The following CHST9 variants were observed in gnomAD, a reference collection of about 807,000 sequenced individuals.
The protein encoded by CHST9 is carbohydrate sulfotransferase 9, also known as GalNAc-4-sulfotransferase 2.
CHST9 carries 41 observed loss-of-function variants against 44.4 expected under a neutral mutation model. The ratio of observed to expected loss-of-function variants is 0.92; its 90% CI spans 0.72 to 1.20. The LOEUF (loss-of-function observed/expected upper bound fraction) is 1.20, where lower values mean the gene tolerates loss of function less well. Ranked by LOEUF, CHST9 falls within the 50% of genes most tolerant of loss-of-function variation. The pLI, the probability that CHST9 is intolerant of heterozygous loss-of-function variation, is 0.00. For missense variants in CHST9, 504 were observed against 516.5 expected, an observed-to-expected ratio of 0.98 and a Z score of 0.23; for synonymous variants, 171 against 178.4, an observed-to-expected ratio of 0.96 and a Z score of 0.33.
chr18:27,061,223 C>A (rs766817254), intron 2 of CHST9, among the ~76,000 whole-genome samples: 2 of 152,180 alleles, frequency 1.3e-5, no homozygotes, highest in African/African-American at 4.8e-5. Context: ...TAATGCACCA[C>A]GGGACCACCC....
At chr18:27,148,269 T>C (rs752067605) in intron 1 of CHST9, among the ~76,000 whole-genome samples, 47 of 151,760 alleles carry the variant, frequency 3.1e-4, no homozygotes, top group Non-Finnish European at 4.6e-4. Context: ...ATTTTATTAT[T>C]ATTATACTTT....
chr18:27,146,563 G>A (rs1293249903), intron 1 of CHST9, among the ~76,000 whole-genome samples: 1 of 152,120 alleles, frequency 6.6e-6, no homozygotes, highest in African/African-American at 2.4e-5. Context: ...AAATTACTTG[G>A]AATAATGCTG....
In CHST9 at chr18:26,916,913, A is replaced by G. The variant is rs572655578; in HGVS notation, c.678T>C (p.Asn226=). 168 of 1,613,878 alleles carry G rather than the reference A, an allele frequency of 1.0e-4. 2 individuals carry two copies. Among genetic ancestry groups the G allele is most frequent in the South Asian group, 6.6e-4 (60 of 91,078 alleles). ...TTAGTACCATCAGAATTCTTTTCCA[A>G]TTGGAACAGCCAGCCTTAGGTACCT... ...YCEVPKAGCS[N]WKRILMVLNG... is the part of the protein sequence containing the mutation. The change falls in exon 6 of 6, where the codon AAT becomes AAC. Residue 226 remains asparagine (N), a synonymous_variant. Coordinates refer to ENST00000618847, the MANE Select transcript of CHST9 (RefSeq NM_031422.6).
chr18:26,955,460 T>C (rs769745635), intron 4 of CHST9, among the ~76,000 whole-genome samples: 4 of 152,196 alleles, frequency 2.6e-5, no homozygotes, highest in Non-Finnish European at 4.4e-5. Flanking sequence ...AATAGTTTTT[T>C]TGGGGCACAG....
intron 4 of CHST9, among the ~76,000 whole-genome samples, chr18:26,973,924 A>G (rs538909016): frequency 6.6e-6 from 1 of 152,294 alleles, no homozygotes; most frequent in South Asian, 2.1e-4. Flanking sequence ...CTCTAATTAG[A>G]TCCTCATTAA....
At chr18:26,988,092 T>C (rs1294865922) in intron 4 of CHST9, among the ~76,000 whole-genome samples, 1 of 151,644 alleles carries the variant, frequency 6.6e-6, no homozygotes, top group Non-Finnish European at 1.5e-5. Context: ...AGAAATAAAA[T>C]TGAATAATTA....
chr18:27,036,136 T>A (rs986646805), intron 3 of CHST9, among the ~76,000 whole-genome samples: 4 of 152,184 alleles, frequency 2.6e-5, no homozygotes, highest in African/African-American at 9.7e-5. Flanking sequence ...TATGATATTA[T>A]GAATGCAGAC....
At chr18:27,147,861 C>CTTTTTTTT (rs199868717) in intron 1 of CHST9, 1 of 140,104 alleles carries the variant, frequency 7.1e-6, no homozygotes, top group African/African-American at 2.6e-5. Flanking sequence ...TATACTATTT[C>CTTTTTTTT]TTTTTTTTTT....
chr18:27,134,803 T>G (rs1052346426), intron 2 of CHST9, among the ~76,000 whole-genome samples: 1 of 152,152 alleles, frequency 6.6e-6, no homozygotes, highest in African/African-American at 2.4e-5. Flanking sequence ...ATTCAGACAT[T>G]GTACTTATTT....
At chr18:26,934,275 C>G (rs1474547255) in intron 5 of CHST9, 1 of 152,098 alleles carries the variant, frequency 6.6e-6, no homozygotes, top group Non-Finnish European at 1.5e-5. Context: ...TGCTCTGTCC[C>G]CCAGGCTGGA....
At chr18:27,093,517 T>C (rs1416022114) in intron 2 of CHST9, among the ~76,000 whole-genome samples, 1 of 152,200 alleles carries the variant, frequency 6.6e-6, no homozygotes, top group African/African-American at 2.4e-5. Flanking sequence ...GCGCTAGCAG[T>C]GAGCAAGGCT....
intron 3 of CHST9, among the ~76,000 whole-genome samples, chr18:27,035,115 T>C (rs2057377748): frequency 6.6e-6 from 1 of 152,198 alleles, no homozygotes; most frequent in Non-Finnish European, 1.5e-5. Flanking sequence ...ATTTACATTA[T>C]CACCAACAGT....
At chr18:27,033,970 C>G (rs992082472) in intron 3 of CHST9, among the ~76,000 whole-genome samples, 2 of 152,280 alleles carry the variant, frequency 1.3e-5, no homozygotes, top group African/African-American at 4.8e-5. Context: ...CATCGATAAC[C>G]AAGTCCTGTT....
chr18:27,116,788 C>A (rs568115821), intron 2 of CHST9, among the ~76,000 whole-genome samples: 2 of 152,180 alleles, frequency 1.3e-5, no homozygotes, highest in Admixed American at 1.3e-4. Context: ...TGTTTTATAG[C>A]TTGAGTGTAA....
chr18:27,111,511 A>C (rs2058270482), intron 2 of CHST9, among the ~76,000 whole-genome samples: 2 of 152,222 alleles, frequency 1.3e-5, no homozygotes, highest in African/African-American at 2.4e-5. Context: ...CCTTGCTTCC[A>C]GGAAAGTATT....
At chr18:27,064,614 A>C (rs967265267) in intron 2 of CHST9, among the ~76,000 whole-genome samples, 8 of 152,232 alleles carry the variant, frequency 5.3e-5, no homozygotes, top group African/African-American at 1.9e-4. Flanking sequence ...ATTTGACAGA[A>C]TTCCATATGA....
intron 2 of CHST9, among the ~76,000 whole-genome samples, chr18:27,067,350 T>TAA (rs2057792970): frequency 6.6e-6 from 1 of 152,118 alleles, no homozygotes; most frequent in Admixed American, 6.6e-5. Context: ...TGCTTTCTGG[T>TAA]TTGCTAGTTA....
At chr18:26,996,301 GT>G (rs1306908029) in intron 4 of CHST9, among the ~76,000 whole-genome samples, 2 of 152,204 alleles carry the variant, frequency 1.3e-5, no homozygotes, top group Non-Finnish European at 2.9e-5. Flanking sequence ...CACTGATATA[GT>G]TTGGATGTTT....
chr18:27,067,024 T>A (rs1287758895), intron 2 of CHST9, among the ~76,000 whole-genome samples: 1 of 152,196 alleles, frequency 6.6e-6, no homozygotes, highest in Non-Finnish European at 1.5e-5. Flanking sequence ...ATTATCTATA[T>A]TCCAAACATT....
Sources: gnomAD v4.1 joint callset for allele counts (sites outside exome capture counted in the v4.1 genomes callset) on GRCh38, gnomAD v4.1.1 for gene constraint, MANE v1.5 for transcripts, NCBI Gene and HGNC (gene_info 2026-07-23, HGNC 2026-07-21) for gene names.